PABPC1L: variants seen among roughly 807,000 people sequenced by gnomAD.
PABPC1L encodes polyadenylate-binding protein 1-like.
PABPC1L carries 31 observed loss-of-function variants against 66.6 expected under a neutral mutation model. That is an observed-to-expected ratio of 0.47 (90% CI 0.35 to 0.63). The LOEUF is 0.63. Ranked by LOEUF, PABPC1L falls within the 20% of genes least tolerant of loss-of-function variation. The pLI is 0.00. For missense variants in PABPC1L, 722 were observed against 848.8 expected, an observed-to-expected ratio of 0.85 and a Z score of 1.86; for synonymous variants, 348 against 335.1, an observed-to-expected ratio of 1.04 and a Z score of -0.42.
rs192464508 is a variant in PABPC1L, at chr20:44,922,329, C to G, written c.876+598C>G. ...GCATGATCTTGGTTCACTGCAACCTCTCACTCCTGGGTTCAAGAAAGTCTC... is the reference window on the plus strand; with the variant it reads ...GCATGATCTTGGTTCACTGCAACCTGTCACTCCTGGGTTCAAGAAAGTCTC... On this transcript the variant is annotated intron_variant, in intron 6 of 14. Coordinates refer to ENST00000217073, the MANE Select transcript of PABPC1L (RefSeq NM_001372179.1). 1.1e-3 allele frequency among the ~76,000 whole-genome samples: 173 copies of G among 152,308 alleles called. 1 individual carries two copies. In the South Asian group the frequency reaches 0.014, roughly 12 times the overall value.
At chr20:44,923,033 A>C (rs2066785108) in intron 6 of PABPC1L, among the ~76,000 whole-genome samples, 1 of 152,232 alleles carries the variant, frequency 6.6e-6, no homozygotes, top group Admixed American at 6.5e-5. Context: ...AATACTCATC[A>C]CATAATCTGC....
Position 44,930,645 on chromosome 20 carries a change from C to T in PABPC1L, c.1158C>T (p.Leu386=). ...AILTNQYMQR[L]STMRTLSNPL... ...TGACCAACCAGTACATGCAGCGCCTCTCCACCATGCGGACCCTGAGCAACC... is the reference window on the plus strand; with the variant it reads ...TGACCAACCAGTACATGCAGCGCCTTTCCACCATGCGGACCCTGAGCAACC... Residue 386 remains leucine (L), a synonymous_variant, in exon 8 of 15, where the codon CTC becomes CTT. Transcript: ENST00000217073. The T allele has an allele frequency of 6.2e-7, 1 of 1,614,248 alleles. No homozygotes were observed. The highest frequency in any genetic ancestry group is 8.5e-7 in the Non-Finnish European group (1 of 1,180,056).
At chr20:44,925,582 G>A (rs886958322) in intron 7 of PABPC1L, among the ~76,000 whole-genome samples, 10 of 152,154 alleles carry the variant, frequency 6.6e-5, no homozygotes, top group East Asian at 5.8e-4. Flanking sequence ...GGGGGGACCC[G>A]CCTGAATGAT....
At chr20:44,914,150 G>C (rs1333620003) in intron 2 of PABPC1L, among the ~76,000 whole-genome samples, 1 of 150,966 alleles carries the variant, frequency 6.6e-6, no homozygotes, top group Non-Finnish European at 1.5e-5. Flanking sequence ...AGCCTTTGGA[G>C]TGTCTGCTAT....
In PABPC1L at chr20:44,910,117, C is replaced by T. The variant is rs1430052324; in HGVS notation, c.-27C>T. On this transcript the variant is annotated 5_prime_UTR_variant, in exon 1 of 15. Transcript: ENST00000217073. Reference sequence around the variant, plus strand: ...TGCTGGGTGACCCGGCTCCTGCTTGCCCCGCAGCCCCGGCCCCCTGCCCAC... The same window carrying T: ...TGCTGGGTGACCCGGCTCCTGCTTGTCCCGCAGCCCCGGCCCCCTGCCCAC... The T allele has an allele frequency of 3.3e-6, 5 of 1,530,340 alleles. No homozygotes were observed. In the Admixed American group the frequency reaches 8.0e-5, roughly 24 times the overall value. The allele number at this position is 1,530,340 out of a possible 1,614,324, so 94.8% of individuals were successfully genotyped here.
chr20:44,930,753 G>T (rs41282036), intron 8 of PABPC1L, 27 bp downstream of exon 8: 42 of 1,602,790 alleles, frequency 2.6e-5, no homozygotes, highest in Non-Finnish European at 3.1e-5. Context: ...AACTCCCACC[G>T]CAGCCTTCCC....
chr20:44,921,697 A>T lies in PABPC1L; in HGVS notation c.842A>T (p.Glu281Val), dbSNP rs1225303244. 6.2e-7 allele frequency: 1 copy of T among 1,613,776 alleles called. No individual in the cohort carries two copies. Among genetic ancestry groups the T allele is most frequent in the East Asian group, 2.2e-5 (1 of 44,810 alleles). Residue 281 changes from glutamate to valine, a missense_variant, in exon 6 of 15, where the codon GAG (glutamate) becomes GTG (valine). By Grantham distance (121) the Glu-to-Val change is moderately radical. Around this residue, in one of 3 missense-constraint regions of PABPC1L, gnomAD observed 137 missense variants for 216.8 expected, o/e 0.63. Coordinates refer to ENST00000217073, the MANE Select transcript of PABPC1L (RefSeq NM_001372179.1). ...CAGAATGAACTGAAGCGCAGGTTTG[A>T]GCAGATGAAGCAGGACCGGCTGAGG... ...ERQNELKRRF[E>V]QMKQDRLRRY...
chr20:44,937,241 G>T, intron 12 of PABPC1L: 1 of 318,590 alleles, frequency 3.1e-6, no homozygotes, highest in Non-Finnish European at 6.2e-6. Context: ...TCCATGGCAG[G>T]CCCTGATAAA....
At chr20:44,932,668 G>T in intron 9 of PABPC1L, 1 of 518,584 alleles carries the variant, frequency 1.9e-6, no homozygotes, top group Non-Finnish European at 3.4e-6. Context: ...CATCACCAAA[G>T]ATGCCTCTGA....
chr20:44,919,310 AGGGGGACCGAGCTG>A, intron 5 of PABPC1L, 33 bp downstream of exon 5: 2 of 1,607,642 alleles, frequency 1.2e-6, no homozygotes, highest in Non-Finnish European at 1.7e-6. Context: ...GTTCTGCAGC[AGGGGGACCGAGCTG>A]GGACTAAGAA....
chr20:44,935,004 G>C (rs2066889190), intron 10 of PABPC1L, among the ~76,000 whole-genome samples: 1 of 151,790 alleles, frequency 6.6e-6, no homozygotes, highest in Non-Finnish European at 1.5e-5. Context: ...GGAGGGGGAG[G>C]TTGCAGTGAG....
chr20:44,926,642 G>A (rs780300584), intron 7 of PABPC1L, among the ~76,000 whole-genome samples: 2 of 151,706 alleles, frequency 1.3e-5, no homozygotes, highest in Admixed American at 6.6e-5. Flanking sequence ...TGCCTCCCAG[G>A]TTCAAGCAAT....
rs1394585025 is a variant in PABPC1L, at chr20:44,912,820, C to A, written c.354C>A (p.Thr118=). The stretch of plus-strand genomic sequence containing the variant: ...TTGACAACAAGGCTTTATATGATAC[C>A]TTCTCCACCTTTGGGAACATCCTCT... ...DSIDNKALYD[T]FSTFGNILSC... Residue 118 remains threonine (T), a synonymous_variant, in exon 2 of 15, where the codon ACC becomes ACA. Coordinates refer to ENST00000217073, the MANE Select transcript of PABPC1L (RefSeq NM_001372179.1). The A allele has an allele frequency of 6.2e-7, 1 of 1,614,064 alleles. No homozygotes were observed. Among genetic ancestry groups the A allele is most frequent in the East Asian group, 2.2e-5 (1 of 44,880 alleles).
At chr20:44,933,344 AC>A (rs1601124334) in intron 10 of PABPC1L, among the ~76,000 whole-genome samples, 159 bp downstream of exon 10, 1 of 152,100 alleles carries the variant, frequency 6.6e-6, no homozygotes. Flanking sequence ...AGTTCCTGGG[AC>A]CAACTGACTA....
At position 44,936,660 on chromosome 20, in the gene PABPC1L, C is replaced by T. The variant is rs1224220203; in HGVS notation, c.1590C>T (p.Ile530=). 1 of 1,603,854 alleles carries T rather than the reference C, an allele frequency of 6.2e-7. No homozygotes were observed. Among genetic ancestry groups the T allele is most frequent in the Non-Finnish European group, 8.5e-7 (1 of 1,176,274 alleles). Residue 530 remains isoleucine, a synonymous_variant, in exon 12 of 15, where the codon ATC becomes ATT. Coordinates refer to ENST00000217073, the MANE Select transcript of PABPC1L (RefSeq NM_001372179.1). ...AGGTCCAGGAGCCGGCTGTGCACAT[C>T]CCAGGACAGGAGCCCCTGACCGCGT... ...TYRVQEPAVH[I]PGQEPLTASM...
In PABPC1L at chr20:44,932,209, A is replaced by T. The variant is rs141311185; in HGVS notation, c.1240-133A>T. The T allele has an allele frequency of 1.6e-3, 882 of 536,136 alleles. 5 individuals are homozygous for T. The highest frequency in any genetic ancestry group is 0.012 in the African/African-American group (608 of 51,524). 33.2% of individuals were successfully genotyped at this position (536,136 alleles called of 1,614,324 possible). A position where few individuals can be genotyped will look rare whatever the true frequency, so the allele number is the denominator to read the frequency against. On this transcript the variant is annotated intron_variant, in intron 8 of 14. Coordinates refer to ENST00000217073, the MANE Select transcript of PABPC1L (RefSeq NM_001372179.1). ...GATGGGAGGAAGGAGCTTTCATTAC[A>T]GCCTTGTGGGTCTTGACTCACCAGT... is the stretch of plus-strand genomic sequence containing the variant.
rs542102753 is a variant in PABPC1L at position 44,923,348 on chromosome 20, C to T, written c.877-813C>T. On this transcript the variant is annotated intron_variant, in intron 6 of 14. Transcript: ENST00000217073. ...GATTAAAAATCAAAACGTGGCCTGT[C>T]GTGGTGGCTCGTGCCTGTAATCCCA... Among the ~76,000 whole-genome samples the T allele has an allele frequency of 1.8e-4, 28 of 152,228 alleles. 1 individual carries two copies. In the Middle Eastern group the frequency reaches 0.01, roughly 55 times the overall value.
intron 5 of PABPC1L, 23 bp downstream of exon 5, chr20:44,919,300 G>T: frequency 6.2e-7 from 1 of 1,612,388 alleles, no homozygotes; most frequent in Non-Finnish European, 8.5e-7. Flanking sequence ...CCATGGCTCT[G>T]TTCTGCAGCA....
At chr20:44,936,139 T>C (rs2066899078) in intron 11 of PABPC1L, among the ~76,000 whole-genome samples, 3 of 152,136 alleles carry the variant, frequency 2.0e-5, no homozygotes, top group South Asian at 4.2e-4. Context: ...TTTTGTGTAT[T>C]TTTTTGTAGT....
Sources: allele counts gnomAD v4.1 joint callset (sites outside exome capture counted in the v4.1 genomes callset), GRCh38; gene constraint gnomAD v4.1.1; regional missense constraint gnomAD v4.1.1; transcripts MANE v1.5; gene names NCBI Gene and HGNC (gene_info 2026-07-23, HGNC 2026-07-21).